The following QTMAN variants were observed in gnomAD, a reference collection of about 807,000 sequenced individuals.
QTMAN encodes tRNA-queuosine alpha-mannosyltransferase.
At chr2:144,305,089 T>C in the QTMAN span, among the ~76,000 whole-genome samples, 1 of 152,216 alleles carries the variant, frequency 6.6e-6, no homozygotes, top group African/African-American at 2.4e-5. Context: ...TTTTAAAGTA[T>C]AAAGTTTTTA....
chr2:144,202,245 A>T, the QTMAN span, among the ~76,000 whole-genome samples: 1 of 152,220 alleles, frequency 6.6e-6, no homozygotes, highest in East Asian at 1.9e-4. Flanking sequence ...AGGAAAGGGC[A>T]ACAGAGTATC....
the QTMAN span, among the ~76,000 whole-genome samples, chr2:144,328,755 A>AC: frequency 6.6e-6 from 1 of 152,212 alleles, no homozygotes; most frequent in Non-Finnish European, 1.5e-5. Flanking sequence ...GCTTTCAGTA[A>AC]TATTAGTAGA....
At chr2:144,327,529 T>C in the QTMAN span, among the ~76,000 whole-genome samples, 10 of 152,296 alleles carry the variant, frequency 6.6e-5, no homozygotes, top group South Asian at 1.9e-3. Context: ...ATCCAACAGC[T>C]GGCTAGTCAG....
chr2:144,268,020 T>C, the QTMAN span, among the ~76,000 whole-genome samples: 2 of 152,238 alleles, frequency 1.3e-5, no homozygotes, highest in African/African-American at 4.8e-5. Context: ...TGAAATTTGA[T>C]TTCCAATATT....
chr2:144,274,057 C>T, the QTMAN span, among the ~76,000 whole-genome samples: 1 of 152,140 alleles, frequency 6.6e-6, no homozygotes, highest in African/African-American at 2.4e-5. Flanking sequence ...TCGCTTGAAC[C>T]CGGGAGGCAG....
At chr2:144,240,116 G>C in the QTMAN span, among the ~76,000 whole-genome samples, 1 of 152,210 alleles carries the variant, frequency 6.6e-6, no homozygotes. Context: ...ATAGTGTAAA[G>C]CAAGTGTTTT....
chr2:144,025,952 C>T, the QTMAN span, among the ~76,000 whole-genome samples: 1 of 152,108 alleles, frequency 6.6e-6, no homozygotes, highest in Admixed American at 6.5e-5. Flanking sequence ...TTCCCTTCCA[C>T]CATTGCCTTC....
chr2:144,242,233 T>G, the QTMAN span, among the ~76,000 whole-genome samples: 1 of 152,080 alleles, frequency 6.6e-6, no homozygotes, highest in African/African-American at 2.4e-5. Flanking sequence ...TTTGATGAAC[T>G]GATAGTAAAG....
the QTMAN span, among the ~76,000 whole-genome samples, chr2:144,063,071 G>A: frequency 6.6e-6 from 1 of 152,096 alleles, no homozygotes; most frequent in African/African-American, 2.4e-5. Flanking sequence ...CAGGTCTATG[G>A]GAAAAAACTC....
the QTMAN span, among the ~76,000 whole-genome samples, chr2:144,115,963 T>C: frequency 6.6e-6 from 1 of 152,116 alleles, no homozygotes; most frequent in Non-Finnish European, 1.5e-5. Context: ...AGATAAAATG[T>C]ATTACCCTGC....
the QTMAN span, among the ~76,000 whole-genome samples, chr2:143,969,928 C>T: frequency 2.0e-5 from 3 of 152,146 alleles, no homozygotes; most frequent in Non-Finnish European, 4.4e-5. Context: ...TGCACAATGG[C>T]AAAGGTTATT....
the QTMAN span, among the ~76,000 whole-genome samples, chr2:144,252,847 A>G: frequency 6.6e-6 from 1 of 152,208 alleles, no homozygotes; most frequent in Admixed American, 6.5e-5. Flanking sequence ...AAGTGGCCAA[A>G]ATGTCCTCCA....
the QTMAN span, among the ~76,000 whole-genome samples, chr2:144,048,604 A>G: frequency 2.0e-5 from 3 of 152,304 alleles, no homozygotes; most frequent in African/African-American, 4.8e-5. Context: ...CATGGATAAC[A>G]TCATGCTCCT....
At chr2:144,070,122 T>C in the QTMAN span, among the ~76,000 whole-genome samples, 42 of 152,232 alleles carry the variant, frequency 2.8e-4, no homozygotes, top group East Asian at 4.6e-3. Context: ...ACCCATATTT[T>C]GAAATTCTCA....
At chr2:144,246,579 C>CA in the QTMAN span, among the ~76,000 whole-genome samples, 7,448 of 45,962 alleles carry the variant, frequency 0.16, 593 homozygotes, top group South Asian at 0.18. Flanking sequence ...GACTCCGTCT[C>CA]AAAAAAAAAA....
chr2:144,146,511 A>C, the QTMAN span, among the ~76,000 whole-genome samples: 1 of 151,732 alleles, frequency 6.6e-6, no homozygotes, highest in Non-Finnish European at 1.5e-5. Context: ...TACATTTACT[A>C]AATGCCTACT....
At chr2:144,258,781 A>C in the QTMAN span, among the ~76,000 whole-genome samples, 18 of 152,316 alleles carry the variant, frequency 1.2e-4, no homozygotes, top group Admixed American at 9.8e-4. Flanking sequence ...AAAAAAAATA[A>C]AGAAATGGAG....
At chr2:144,270,445 CACA>C in the QTMAN span, among the ~76,000 whole-genome samples, 1 of 152,174 alleles carries the variant, frequency 6.6e-6, no homozygotes, top group Non-Finnish European at 1.5e-5. Flanking sequence ...GAAAACGCGG[CACA>C]TATAAACCAT....
chr2:144,101,075 A>G, the QTMAN span, among the ~76,000 whole-genome samples: 4 of 151,798 alleles, frequency 2.6e-5, no homozygotes, highest in African/African-American at 9.7e-5. Context: ...TCACCATGTT[A>G]GCCAGGATGG....
Sources: allele counts gnomAD v4.1 joint callset (sites outside exome capture counted in the v4.1 genomes callset), GRCh38; gene constraint gnomAD v4.1.1; transcripts MANE v1.5; gene names NCBI Gene and HGNC (gene_info 2026-07-23, HGNC 2026-07-21).